EIPR1: variants seen among roughly 807,000 people sequenced by gnomAD.
EIPR1 encodes EARP complex and GARP complex interacting protein 1, also known as EARP and GARP complex-interacting protein 1.
EIPR1 carries 25 observed loss-of-function variants against 48.1 expected under a neutral mutation model. The ratio of observed to expected loss-of-function variants is 0.52; its 90% CI spans 0.38 to 0.73. The LOEUF (loss-of-function observed/expected upper bound fraction) is 0.73. EIPR1 is among the 30% of genes least tolerant of loss of function. EIPR1 has a pLI of 0.00. For synonymous variants in EIPR1, 204 were observed against 201.9 expected, an observed-to-expected ratio of 1.01 and a Z score of -0.09; for missense variants, 415 against 506.2, an observed-to-expected ratio of 0.82 and a Z score of 1.73.
intron 3 of EIPR1, among the ~76,000 whole-genome samples, chr2:3,310,728 T>TTA (rs1225328858): frequency 3.3e-5 from 5 of 151,888 alleles, no homozygotes; most frequent in African/African-American, 1.2e-4. Flanking sequence ...TAAGACTGCC[T>TTA]TATATTTATA....
chr2:3,367,974 G>A (rs1486976897), intron 1 of EIPR1, among the ~76,000 whole-genome samples: 2 of 152,190 alleles, frequency 1.3e-5, no homozygotes, highest in Admixed American at 6.5e-5. Context: ...GAACCCGGGA[G>A]GCGGAGCTTG....
intron 3 of EIPR1, among the ~76,000 whole-genome samples, chr2:3,278,738 C>T (rs1432914135): frequency 1.3e-5 from 2 of 152,148 alleles, no homozygotes; most frequent in Non-Finnish European, 2.9e-5. Flanking sequence ...CAACTACATA[C>T]AGGATTCAGG....
intron 3 of EIPR1, among the ~76,000 whole-genome samples, chr2:3,311,970 A>C (rs1669144831): frequency 1.3e-5 from 2 of 152,316 alleles, no homozygotes; most frequent in South Asian, 4.1e-4. Context: ...TCTTTGGAAC[A>C]GCGCACAGAA....
chr2:3,275,656 C>T (rs1052976313), intron 3 of EIPR1, among the ~76,000 whole-genome samples: 1 of 151,938 alleles, frequency 6.6e-6, no homozygotes, highest in South Asian at 2.1e-4. Context: ...AAAGAGACTC[C>T]ATATCAACAT....
At chr2:3,255,533 A>G (rs574899464) in intron 4 of EIPR1, among the ~76,000 whole-genome samples, 2 of 152,372 alleles carry the variant, frequency 1.3e-5, no homozygotes, top group African/African-American at 4.8e-5. Context: ...ATTTAACATT[A>G]CAATCTAATA....
intron 1 of EIPR1, among the ~76,000 whole-genome samples, chr2:3,367,422 C>T (rs1671001366): frequency 6.6e-6 from 1 of 152,252 alleles, no homozygotes; most frequent in South Asian, 2.1e-4. Context: ...AACAGCACCA[C>T]ACCTTAGGAG....
At chr2:3,259,163 T>G (rs1307029255) in intron 3 of EIPR1, among the ~76,000 whole-genome samples, 6 of 152,162 alleles carry the variant, frequency 3.9e-5, no homozygotes, top group Admixed American at 1.3e-4. Context: ...TTACAAGTTA[T>G]AGAACTAATA....
At chr2:3,201,551 C>A (rs193214775) in intron 5 of EIPR1, among the ~76,000 whole-genome samples, 1 of 152,196 alleles carries the variant, frequency 6.6e-6, no homozygotes, top group Non-Finnish European at 1.5e-5. Context: ...ACAGGCACTG[C>A]AGGGAGGGAG....
chr2:3,193,777 A>G (rs980221162), intron 7 of EIPR1, among the ~76,000 whole-genome samples: 30 of 152,236 alleles, frequency 2.0e-4, no homozygotes, highest in African/African-American at 7.2e-4. Context: ...GCACTGTTTC[A>G]AGAGAAAACA....
intron 5 of EIPR1, among the ~76,000 whole-genome samples, chr2:3,197,518 G>A (rs149250135): frequency 9.9e-5 from 15 of 152,280 alleles, no homozygotes; most frequent in Non-Finnish European, 1.9e-4. Context: ...CCAAGCCAGC[G>A]AGCTGACCAT....
intron 1 of EIPR1, among the ~76,000 whole-genome samples, chr2:3,365,170 G>C (rs1670942926): frequency 6.6e-6 from 1 of 151,518 alleles, no homozygotes; most frequent in Admixed American, 6.6e-5. Context: ...GGGTGTGGTG[G>C]CTCAAGACTA....
chr2:3,342,898 A>T lies in EIPR1; in HGVS notation c.127-4749T>A, dbSNP rs930277962. On this transcript the variant is annotated intron_variant, in intron 2 of 8. Coordinates refer to ENST00000382125, the MANE Select transcript of EIPR1 (RefSeq NM_003310.5). ...AGTACACATCTTCATGAACTGTTTT[A>T]ACTCGGGGCTGTTCAAACAGGATGC... Among the ~76,000 whole-genome samples the T allele has an allele frequency of 5.9e-5, 9 of 152,212 alleles. No individual in the cohort carries two copies. The East Asian group carries it at 1.7e-3, about 29-fold the overall frequency.
intron 3 of EIPR1, among the ~76,000 whole-genome samples, chr2:3,310,092 G>A (rs971554099): frequency 6.6e-6 from 1 of 152,094 alleles, no homozygotes; most frequent in Non-Finnish European, 1.5e-5. Context: ...ATGTGCCCAC[G>A]GCAAGGTCAC....
At position 3,189,381 on chromosome 2, in the gene EIPR1, C is replaced by T; in HGVS notation, c.1117G>A (p.Val373Met). ...FASLSYDGRL[V>M]INRVPRALKY... ...AGGGCCCTGGGCACCCTGTTGATCACGAGCCTCCCGTCATAGCTCAGGGAG... is the reference window on the plus strand; with the variant it reads ...AGGGCCCTGGGCACCCTGTTGATCATGAGCCTCCCGTCATAGCTCAGGGAG... The change falls in exon 9 of 9, where the codon GTG becomes ATG. Residue 373 changes from valine (V) to methionine (M), a missense_variant. Physicochemically the swap from Val to Met is conservative, Grantham distance 21. Transcript: ENST00000382125. This position sits in a 1 kb window ranked among gnomAD's most constrained non-coding sequence, Gnocchi z 4.6. The T allele has an allele frequency of 3.1e-6, 5 of 1,602,302 alleles. No homozygotes were observed. The highest frequency in any genetic ancestry group is 1.7e-4 in the Middle Eastern group (1 of 6,036).
At chr2:3,354,465 G>T in intron 2 of EIPR1, 85 bp downstream of exon 2, 1 of 1,253,094 alleles carries the variant, frequency 8.0e-7, no homozygotes, top group Non-Finnish European at 1.1e-6. Flanking sequence ...TTTCTCAAAT[G>T]TTGCTGGAAA....
chr2:3,338,386 T>G (rs539632163), intron 2 of EIPR1, among the ~76,000 whole-genome samples: 5 of 152,332 alleles, frequency 3.3e-5, no homozygotes, highest in African/African-American at 1.2e-4. Context: ...TACGTAAGAC[T>G]GCCATCCGGT....
chr2:3,233,385 G>A (rs1666303050), intron 4 of EIPR1, among the ~76,000 whole-genome samples: 1 of 152,120 alleles, frequency 6.6e-6, no homozygotes. Flanking sequence ...ATACAATGAA[G>A]CAGTAAGTAT....
At chr2:3,372,686 G>A (rs1427652543) in intron 1 of EIPR1, among the ~76,000 whole-genome samples, 1 of 152,152 alleles carries the variant, frequency 6.6e-6, no homozygotes, top group African/African-American at 2.4e-5. Context: ...CCAGGAAGAA[G>A]TTGAATCTCT....
Position 3,208,764 on chromosome 2 carries a change from C to A in EIPR1, c.516+5385G>T, listed in dbSNP as rs772000109. ...GTCCTTCTGTGAGTGAGGCCCGTGG[C>A]GAGTCCTTCTTCCTTGAGTGAGGCT... On this transcript the variant is annotated intron_variant, in intron 5 of 8. Transcript: ENST00000382125. The A allele has an allele frequency of 2.6e-6, 4 of 1,548,428 alleles. No individual in the cohort carries two copies. In the South Asian group the frequency reaches 3.6e-5, roughly 14 times the overall value.
Sources: gnomAD v4.1 joint callset for allele counts (sites outside exome capture counted in the v4.1 genomes callset) on GRCh38, gnomAD v4.1.1 for gene constraint, Gnocchi (gnomAD v3.1) non-coding constraint, MANE v1.5 for transcripts, NCBI Gene and HGNC (gene_info 2026-07-23, HGNC 2026-07-21) for gene names.